Variants in RGS3 observed in about 807,000 individuals in gnomAD.
RGS3 encodes the protein regulator of G protein signaling 3.
RGS3 carries 80 observed loss-of-function variants against 132.6 expected under a neutral mutation model. The ratio of observed to expected loss-of-function variants is 0.60; its 90% CI spans 0.50 to 0.73. RGS3 has a LOEUF of 0.73. RGS3 is among the 30% of genes least tolerant of loss of function. The pLI is 0.00. For synonymous variants in RGS3, 598 were observed against 620.6 expected, an observed-to-expected ratio of 0.96 and a Z score of 0.54; for missense variants, 1,382 against 1,530.8, an observed-to-expected ratio of 0.90 and a Z score of 1.62.
chr9:113,489,437 G>A (rs1830437687), intron 7 of RGS3, among the ~76,000 whole-genome samples: 1 of 152,144 alleles, frequency 6.6e-6, no homozygotes, highest in Non-Finnish European at 1.5e-5. Context: ...ATCTCACATG[G>A]ATGATAAATG....
intron 19 of RGS3, chr9:113,581,999 T>C: frequency 1.0e-6 from 1 of 984,988 alleles, no homozygotes; most frequent in Non-Finnish European, 1.2e-6. Context: ...GGCTCCACTT[T>C]CACTTTCACA....
intron 3 of RGS3, among the ~76,000 whole-genome samples, chr9:113,467,868 C>A (rs956635851): frequency 1.3e-5 from 2 of 152,072 alleles, no homozygotes; most frequent in Non-Finnish European, 2.9e-5. Context: ...ATGTGCACCA[C>A]CATGCCTGGC....
At position 113,529,204 on chromosome 9, in the gene RGS3, T is replaced by G; in HGVS notation, c.1871-17T>G. On this transcript the variant is annotated splice_polypyrimidine_tract_variant and intron_variant, in intron 17 of 24. Transcript: ENST00000350696. ...TATCCAGTTCTAATGCAAATCTTAC[T>G]TTTTGTTCCCTCAAAGGTTCTTCAG... 1 of 1,608,626 alleles carries G rather than the reference T, an allele frequency of 6.2e-7. No individual in the cohort carries two copies. The highest frequency in any genetic ancestry group is 8.5e-7 in the Non-Finnish European group (1 of 1,174,992).
At chr9:113,552,565 G>A (rs1303463730) in intron 19 of RGS3, among the ~76,000 whole-genome samples, 6 of 152,066 alleles carry the variant, frequency 3.9e-5, no homozygotes, top group Admixed American at 6.6e-5. Context: ...TAATCCGTCC[G>A]ACTCGGCCTC....
chr9:113,548,419 T>G (rs1478143952), intron 19 of RGS3, among the ~76,000 whole-genome samples: 1 of 152,228 alleles, frequency 6.6e-6, no homozygotes, highest in Non-Finnish European at 1.5e-5. Context: ...TCCTGGCATG[T>G]GCTTGTTGGA....
At chr9:113,527,256 C>T (rs957205434) in intron 17 of RGS3, among the ~76,000 whole-genome samples, 1 of 152,232 alleles carries the variant, frequency 6.6e-6, no homozygotes, top group South Asian at 2.1e-4. Context: ...CTGCAGCTCT[C>T]ATCTCCTGGA....
chr9:113,586,771 T>C (rs1354691383), intron 20 of RGS3, among the ~76,000 whole-genome samples: 1 of 152,242 alleles, frequency 6.6e-6, no homozygotes, highest in East Asian at 1.9e-4. Context: ...CTCTTACTGG[T>C]ACTGGGCCTT....
At chr9:113,522,308 A>G (rs1831993943) in intron 16 of RGS3, 1 of 152,288 alleles carries the variant, frequency 6.6e-6, no homozygotes, top group Non-Finnish European at 1.5e-5. Flanking sequence ...GTGGCGCTTT[A>G]CTAGGTCTGC....
At chr9:113,488,177 G>T (rs1209820635) in intron 7 of RGS3, among the ~76,000 whole-genome samples, 1 of 152,194 alleles carries the variant, frequency 6.6e-6, no homozygotes, top group African/African-American at 2.4e-5. Context: ...TGGTGATTTG[G>T]CTGTGAGAGC....
At chr9:113,543,255 G>T (rs1832976406) in intron 19 of RGS3, among the ~76,000 whole-genome samples, 1 of 152,182 alleles carries the variant, frequency 6.6e-6, no homozygotes, top group Admixed American at 6.5e-5. Flanking sequence ...TTTAGAGAAA[G>T]GTTCTTGTGC....
At chr9:113,445,761 C>T (rs1222583884) in intron 1 of RGS3, among the ~76,000 whole-genome samples, 1 of 152,202 alleles carries the variant, frequency 6.6e-6, no homozygotes. Context: ...TCATTGCAAC[C>T]TCCGCCGCCT....
rs1829542754 is a variant in RGS3 at position 113,463,873 on chromosome 9, C to T, written c.415+1672C>T. 1.2e-6 allele frequency: 2 copies of T among 1,613,058 alleles called. No individual in the cohort carries two copies. Among genetic ancestry groups the T allele is most frequent in the Non-Finnish European group, 1.7e-6 (2 of 1,179,796 alleles). On this transcript the variant is annotated intron_variant, in intron 3 of 24. Coordinates refer to ENST00000350696, the Ensembl canonical transcript of RGS3. This position sits in a 1 kb window ranked among gnomAD's most constrained non-coding sequence, Gnocchi z 4.6. ...CACCCGGACTTGTCCTTCTACCTCA[C>T]CACCTTTGGTAAGTGCCCGCTGGGG...
chr9:113,584,550 C>A, intron 20 of RGS3, 123 bp downstream of exon 18: 1 of 1,129,876 alleles, frequency 8.9e-7, no homozygotes, highest in Non-Finnish European at 1.2e-6. Context: ...TCCCAGCGAA[C>A]TTTCCACCTG....
At chr9:113,482,073 GAAAC>G (rs1290250166) in intron 4 of RGS3, among the ~76,000 whole-genome samples, 7 of 149,418 alleles carry the variant, frequency 4.7e-5, no homozygotes, top group East Asian at 3.9e-4. Flanking sequence ...AAAAAAACAA[GAAAC>G]AAACAAACAA....
At chr9:113,503,038 T>G (rs554103247) in intron 10 of RGS3, among the ~76,000 whole-genome samples, 1 of 152,242 alleles carries the variant, frequency 6.6e-6, no homozygotes, top group African/African-American at 2.4e-5. Context: ...GGGATTACAG[T>G]CTAGGCAGGA....
chr9:113,508,636 C>G, intron 14 of RGS3, 56 bp downstream of exon 12: 1 of 1,586,918 alleles, frequency 6.3e-7, no homozygotes, highest in East Asian at 2.2e-5. Flanking sequence ...CAGGGGTCAG[C>G]TGAGGCCTGG....
chr9:113,460,184 T>G, upstream of RGS3: 1 of 1,196,752 alleles, frequency 8.4e-7, no homozygotes, highest in Non-Finnish European at 1.1e-6. Context: ...TTGAAGTTTA[T>G]TTTTTTGAGG....
At chr9:113,517,374 A>G in intron 15 of RGS3, 167 bp from the exon 14 acceptor site, 1 of 700,256 alleles carries the variant, frequency 1.4e-6, no homozygotes. Flanking sequence ...TTCTGTTTCC[A>G]TCTTATGTAT....
chr9:113,503,198 G>T (rs1830977297), intron 10 of RGS3, among the ~76,000 whole-genome samples: 1 of 152,218 alleles, frequency 6.6e-6, no homozygotes, highest in Non-Finnish European at 1.5e-5. Context: ...AGGCCTCGGG[G>T]CAGGGCTGCT....
Sources: allele counts gnomAD v4.1 joint callset (sites outside exome capture counted in the v4.1 genomes callset), GRCh38; gene constraint gnomAD v4.1.1; non-coding constraint Gnocchi (gnomAD v3.1); transcripts MANE v1.5; gene names NCBI Gene and HGNC (gene_info 2026-07-23, HGNC 2026-07-21).